The following RAB9B variants were observed in gnomAD, a reference collection of about 807,000 sequenced individuals.
The protein encoded by RAB9B is ras-related protein Rab-9B.
RAB9B carries 1 observed loss-of-function variant against 8.9 expected under a neutral mutation model. The ratio of observed to expected loss-of-function variants is 0.11; its 90% CI spans 0.04 to 0.53. The LOEUF (loss-of-function observed/expected upper bound fraction) is 0.53, where lower values mean the gene tolerates loss of function less well. Ranked by LOEUF, RAB9B falls within the 20% of genes least tolerant of loss-of-function variation. The pLI, the probability that RAB9B is intolerant of heterozygous loss-of-function variation, is 0.93. For synonymous variants in RAB9B, 63 were observed against 57.0 expected, an observed-to-expected ratio of 1.10 and a Z score of -0.47; for missense variants, 82 against 152.9, an observed-to-expected ratio of 0.54 and a Z score of 2.45.
At chrX:103,813,694 C>T in the RAB9B span, among the ~76,000 whole-genome samples, 3 of 78,528 alleles carry the variant, frequency 3.8e-5, no homozygotes, top group African/African-American at 1.1e-4. Context: ...CAAAGGCAAA[C>T]GTAAGCTCAA....
chrX:103,807,442 G>A, the RAB9B span, among the ~76,000 whole-genome samples: 2 of 111,574 alleles, frequency 1.8e-5, no homozygotes, highest in African/African-American at 6.5e-5. Flanking sequence ...AGTGATTTCT[G>A]TGGGGCTTTC....
the RAB9B span, chrX:103,786,556 G>A: frequency 8.3e-7 from 1 of 1,211,128 alleles, no homozygotes; most frequent in Non-Finnish European, 1.1e-6. Flanking sequence ...CTACACCACC[G>A]GCGCAGTCAG....
At chrX:103,809,235 C>T in the RAB9B span, among the ~76,000 whole-genome samples, 10 of 112,187 alleles carry the variant, frequency 8.9e-5, no homozygotes, top group Non-Finnish European at 1.9e-4. Flanking sequence ...AGTAAAAGGG[C>T]CCTCTGGAGA....
downstream of RAB9B, among the ~76,000 whole-genome samples, chrX:103,819,949 T>G (rs765176008): frequency 2.7e-5 from 3 of 112,449 alleles, no homozygotes; most frequent in South Asian, 1.1e-3. Flanking sequence ...TATGGCATTA[T>G]AAGGAGATGG....
At chrX:103,786,038 T>C in the RAB9B span, 11 of 1,026,354 alleles carry the variant, frequency 1.1e-5, no homozygotes, top group Non-Finnish European at 1.4e-5. Context: ...GTGGTTCATA[T>C]TGCCCAAGTT....
chrX:103,811,673 G>T, the RAB9B span, among the ~76,000 whole-genome samples: 2 of 108,629 alleles, frequency 1.8e-5, no homozygotes, highest in Non-Finnish European at 3.8e-5. Context: ...ATTACCTTAG[G>T]ACAAAGAGCC....
At chrX:103,796,268 G>T in the RAB9B span, among the ~76,000 whole-genome samples, 9 of 111,819 alleles carry the variant, frequency 8.0e-5, no homozygotes, top group Admixed American at 8.5e-4. Flanking sequence ...TGAGCTTGAG[G>T]TCAGGAGTTC....
chrX:103,796,061 G>A, the RAB9B span, among the ~76,000 whole-genome samples: 1 of 112,313 alleles, frequency 8.9e-6, no homozygotes, highest in Admixed American at 9.4e-5. Flanking sequence ...CTGCACATGT[G>A]TTGTTGTTTG....
chrX:103,802,204 G>C, the RAB9B span, among the ~76,000 whole-genome samples: 1 of 101,521 alleles, frequency 9.9e-6, no homozygotes, highest in East Asian at 3.0e-4. Context: ...GAGAGAGAGA[G>C]AAAGAGAGAG....
At chrX:103,802,532 G>GTAGC in the RAB9B span, among the ~76,000 whole-genome samples, 1 of 111,687 alleles carries the variant, frequency 9.0e-6, no homozygotes, top group Middle Eastern at 4.3e-3. Context: ...GAACCTTGAT[G>GTAGC]TAGCCTTTGC....
At chrX:103,787,804 G>A in the RAB9B span, 49 of 1,206,518 alleles carry the variant, frequency 4.1e-5, no homozygotes, top group South Asian at 8.3e-4. Flanking sequence ...TTAGTTTGTG[G>A]GCATCACCTA....
At chrX:103,811,695 AT>A in the RAB9B span, among the ~76,000 whole-genome samples, 2 of 100,372 alleles carry the variant, frequency 2.0e-5, no homozygotes, top group Admixed American at 1.2e-4. Context: ...TGCCATCACA[AT>A]CTAAAGAATA....
the RAB9B span, among the ~76,000 whole-genome samples, chrX:103,799,923 C>G: frequency 1.3e-4 from 14 of 111,668 alleles, no homozygotes; most frequent in African/African-American, 3.6e-4. Flanking sequence ...CCTGCATTTT[C>G]TACTCTACCC....
the RAB9B span, chrX:103,788,627 A>G: frequency 1.6e-6 from 1 of 634,497 alleles, no homozygotes; most frequent in Non-Finnish European, 2.7e-6. Context: ...GAATTAGCCG[A>G]TTGCCTTCTA....
At chrX:103,805,788 C>G in the RAB9B span, among the ~76,000 whole-genome samples, 1 of 110,691 alleles carries the variant, frequency 9.0e-6, no homozygotes, top group Non-Finnish European at 1.9e-5. Context: ...TAAGGTGATA[C>G]TTTATTTCTG....
the RAB9B span, among the ~76,000 whole-genome samples, chrX:103,784,172 G>T: frequency 9.0e-6 from 1 of 111,575 alleles, no homozygotes; most frequent in Non-Finnish European, 1.9e-5. Context: ...GTGACTTCTT[G>T]TGTGCCTCTC....
At chrX:103,826,931 T>C (rs1245691075) in intron 2 of RAB9B, 74 bp downstream of exon 2, 1 of 111,854 alleles carries the variant, frequency 8.9e-6, no homozygotes, top group Non-Finnish European at 1.9e-5. Flanking sequence ...TATATATTTT[T>C]CTAAATATTC....
chrX:103,809,114 G>T, the RAB9B span, among the ~76,000 whole-genome samples: 1 of 111,110 alleles, frequency 9.0e-6, no homozygotes, highest in East Asian at 2.9e-4. Context: ...CAATGACATT[G>T]GTGTCCTTAT....
the RAB9B span, among the ~76,000 whole-genome samples, chrX:103,804,977 A>G: frequency 1.4e-4 from 15 of 110,967 alleles, no homozygotes; most frequent in Non-Finnish European, 1.9e-4. Context: ...CTTCCTTTCC[A>G]CTTTGGAGGC....
Sources: gnomAD v4.1 joint callset for allele counts (sites outside exome capture counted in the v4.1 genomes callset) on GRCh38, gnomAD v4.1.1 for gene constraint, MANE v1.5 for transcripts, NCBI Gene and HGNC (gene_info 2026-07-23, HGNC 2026-07-21) for gene names.